The following RYR3 variants were observed in gnomAD, a reference collection of about 807,000 sequenced individuals.
RYR3 encodes ryanodine receptor 3, also known as brain ryanodine receptor-calcium release channel.
Under a neutral mutation model 584.3 loss-of-function variants are expected in RYR3, and 207 were observed. The ratio of observed to expected loss-of-function variants is 0.35; its 90% confidence interval spans 0.32 to 0.40. The LOEUF (loss-of-function observed/expected upper bound fraction) is 0.40. Among genes scored for constraint, RYR3 ranks in the 10% least tolerant of loss-of-function variants. The probability of loss-of-function intolerance (pLI) is 1.00; values close to 1 mark genes in which losing one functional copy is unlikely to be tolerated. For synonymous variants in RYR3, 2,416 were observed against 2,248.5 expected (o/e 1.07, Z -2.11); for missense variants, 5,616 against 6,089.2 (o/e 0.92, Z 2.59).
intron 67 of RYR3, among the ~76,000 whole-genome samples, chr15:33,791,982 A>G (rs1278572308): frequency 1.5e-4 from 23 of 152,158 alleles, no homozygotes; most frequent in Admixed American, 1.5e-3. Context: ...TGCAGTTACT[A>G]GTAATGACCA....
In RYR3 at chr15:33,629,926, A is replaced by T; in HGVS notation, c.2680-14A>T. On this transcript the variant is annotated splice_polypyrimidine_tract_variant and intron_variant, in intron 21 of 103. Transcript: ENST00000634891. ...CAAAACTTAAATCACATTCTTTCTT[A>T]TGTCACCACCTAGATACGAGATGAC... 6.8e-7 allele frequency: 1 copy of T among 1,476,642 alleles called. No homozygotes were observed. Among genetic ancestry groups the T allele is most frequent in the Middle Eastern group, 1.7e-4 (1 of 5,792 alleles). The allele number at this position is 1,476,642 out of a possible 1,614,324, so 91.5% of individuals were successfully genotyped here.
chr15:33,659,654 A>T, intron 32 of RYR3, 66 bp from the exon 33 acceptor site: 1 of 1,052,488 alleles, frequency 9.5e-7, no homozygotes, highest in African/African-American at 1.6e-5. Context: ...AAAACACCCA[A>T]TGGCTGAGCC....
intron 1 of RYR3, among the ~76,000 whole-genome samples, chr15:33,469,880 A>G (rs1453989178): frequency 6.6e-6 from 1 of 152,180 alleles, no homozygotes; most frequent in Non-Finnish European, 1.5e-5. Flanking sequence ...GATGGGAAGG[A>G]TCCAACAGAA....
chr15:33,524,799 A>G (rs139996552), intron 3 of RYR3, among the ~76,000 whole-genome samples: 1 of 152,292 alleles, frequency 6.6e-6, no homozygotes, highest in East Asian at 1.9e-4. Context: ...TTCTTCTAAT[A>G]TGCGTCATTT....
intron 1 of RYR3, among the ~76,000 whole-genome samples, chr15:33,362,918 G>A (rs185212430): frequency 7.9e-5 from 12 of 152,202 alleles, no homozygotes; most frequent in East Asian, 1.9e-4. Context: ...CACCTGACAC[G>A]TTGTTCTGCC....
chr15:33,667,232 G>A (rs567010058), intron 36 of RYR3, among the ~76,000 whole-genome samples: 1 of 152,254 alleles, frequency 6.6e-6, no homozygotes, highest in Admixed American at 6.5e-5. Flanking sequence ...AAGGAGTTTG[G>A]GTTATCCTGG....
chr15:33,631,972 T>A lies in RYR3; in HGVS notation c.2867+679T>A, dbSNP rs376807318. On this transcript the variant is annotated intron_variant, in intron 23 of 103. Coordinates refer to ENST00000634891, the MANE Select transcript of RYR3 (RefSeq NM_001036.6). Reference sequence around the variant, plus strand: ...CAAGATCCACTCTCACACACGCAACTCCTAGTACCAAGAAAAGCACATCTG... The same window carrying A: ...CAAGATCCACTCTCACACACGCAACACCTAGTACCAAGAAAAGCACATCTG... Among the ~76,000 whole-genome samples the A allele has an allele frequency of 9.2e-5, 14 of 152,250 alleles. No individual in the cohort carries two copies. In the East Asian group the frequency reaches 2.7e-3, roughly 29 times the overall value.
chr15:33,402,885 G>T (rs2042773302), intron 1 of RYR3, among the ~76,000 whole-genome samples: 1 of 152,226 alleles, frequency 6.6e-6, no homozygotes. Context: ...GGTGTCAGCT[G>T]CAGGGAGGCA....
At chr15:33,855,734 T>C (rs1449671794) in intron 98 of RYR3, 17 of 152,234 alleles carry the variant, frequency 1.1e-4, no homozygotes, top group Admixed American at 1.1e-3. Context: ...TGTGTGTATA[T>C]ACATTATATA....
At position 33,807,588 on chromosome 15, in the gene RYR3, A is replaced by G. The variant is rs2076274456; in HGVS notation, c.10026+19A>G. Reference sequence around the variant, plus strand: ...AGTAAAGGTACAGGTCAAATGCATGACGTGTCTTTTCTGTCCTAGTATTAG... The same window carrying G: ...AGTAAAGGTACAGGTCAAATGCATGGCGTGTCTTTTCTGTCCTAGTATTAG... On this transcript the variant is annotated intron_variant, in intron 70 of 103. Coordinates refer to ENST00000634891, the MANE Select transcript of RYR3 (RefSeq NM_001036.6). 2 of 1,551,044 alleles carry G rather than the reference A, an allele frequency of 1.3e-6. No homozygotes were observed. The highest frequency in any genetic ancestry group is 4.9e-5 in the East Asian group (2 of 40,928).
intron 86 of RYR3, among the ~76,000 whole-genome samples, chr15:33,832,779 G>A (rs990700578): frequency 7.9e-5 from 12 of 151,992 alleles, no homozygotes; most frequent in African/African-American, 2.7e-4. Flanking sequence ...GGAGGTCAAG[G>A]TTGGTGGATC....
intron 18 of RYR3, among the ~76,000 whole-genome samples, chr15:33,611,463 G>C (rs1232810388): frequency 6.6e-6 from 1 of 151,790 alleles, no homozygotes; most frequent in African/African-American, 2.4e-5. Context: ...GGCTGAGGCA[G>C]CCTCCTGGCG....
At chr15:33,623,211 G>A (rs915607176) in intron 19 of RYR3, among the ~76,000 whole-genome samples, 5 of 152,194 alleles carry the variant, frequency 3.3e-5, no homozygotes, top group Admixed American at 6.5e-5. Flanking sequence ...CCTCACAGCC[G>A]CCCCCATATG....
At chr15:33,463,980 T>C (rs1389247446) in intron 1 of RYR3, among the ~76,000 whole-genome samples, 1 of 151,930 alleles carries the variant, frequency 6.6e-6, no homozygotes, top group Non-Finnish European at 1.5e-5. Flanking sequence ...TTTTTGGGGG[T>C]TTACTACTTA....
chr15:33,563,686 A>G lies in RYR3; in HGVS notation c.1146+676A>G, dbSNP rs543369198. Among the ~76,000 whole-genome samples, 14 of 152,326 alleles carry G rather than the reference A, an allele frequency of 9.2e-5. No individual in the cohort carries two copies. The South Asian group carries it at 2.9e-3, about 32-fold the overall frequency. On this transcript the variant is annotated intron_variant, in intron 11 of 103. Transcript: ENST00000634891. ...GTTTAAATAGTCAACTAGTCCCAGAATAAGGTGCTAGGAGGCACTGTGCTC... is the reference window on the plus strand; with the variant it reads ...GTTTAAATAGTCAACTAGTCCCAGAGTAAGGTGCTAGGAGGCACTGTGCTC...
chr15:33,451,226 C>T (rs1433440075), intron 1 of RYR3, among the ~76,000 whole-genome samples: 2 of 152,202 alleles, frequency 1.3e-5, no homozygotes, highest in Non-Finnish European at 2.9e-5. Context: ...ATGGTGGCTT[C>T]CTTCCACTTT....
intron 1 of RYR3, among the ~76,000 whole-genome samples, chr15:33,381,270 G>T (rs1376660095): frequency 6.6e-6 from 1 of 152,158 alleles, no homozygotes; most frequent in African/African-American, 2.4e-5. Flanking sequence ...TACAGATAAA[G>T]AGGCAGATCC....
chr15:33,704,281 CAAA>C (rs5811787), intron 42 of RYR3, among the ~76,000 whole-genome samples: 6 of 113,830 alleles, frequency 5.3e-5, no homozygotes, highest in Non-Finnish European at 1.9e-5. Context: ...GACTCCGTCT[CAAA>C]AAAAAAAAAA....
chr15:33,748,038 C>A, intron 53 of RYR3, 76 bp from the exon 54 acceptor site: 1 of 1,421,996 alleles, frequency 7.0e-7, no homozygotes, highest in Non-Finnish European at 9.9e-7. Flanking sequence ...GTGGGATGCA[C>A]CTTCCATGCG....
Sources: gnomAD v4.1 joint callset for allele counts (sites outside exome capture counted in the v4.1 genomes callset) on GRCh38, gnomAD v4.1.1 for gene constraint, MANE v1.5 for transcripts, NCBI Gene and HGNC (gene_info 2026-07-23, HGNC 2026-07-21) for gene names.